The following PITPNB variants were observed in gnomAD, a reference collection of about 807,000 sequenced individuals.
The protein encoded by PITPNB is phosphatidylinositol transfer protein beta isoform.
PITPNB carries 16 observed loss-of-function variants against 45.9 expected under a neutral mutation model. That is an observed-to-expected ratio of 0.35 (90% CI 0.24 to 0.53). The LOEUF (loss-of-function observed/expected upper bound fraction) is 0.53, where lower values mean the gene tolerates loss of function less well. Ranked by LOEUF, PITPNB falls within the 20% of genes least tolerant of loss-of-function variation. PITPNB has a pLI of 0.93. For synonymous variants in PITPNB, 112 were observed against 108.9 expected, an observed-to-expected ratio of 1.03 and a Z score of -0.18; for missense variants, 188 against 330.5, an observed-to-expected ratio of 0.57 and a Z score of 3.34.
chr22:27,914,351 A>G lies in PITPNB; in HGVS notation c.21-4T>C. On this transcript the variant is annotated splice_polypyrimidine_tract_variant and splice_region_variant and intron_variant, in intron 1 of 11. Transcript: ENST00000335272. ...AGAACATGGCAAAACCACACGGCTA[A>G]AAAGACAAAAGAAAAAATATATATA... The G allele has an allele frequency of 6.4e-7, 1 of 1,567,220 alleles. No individual in the cohort carries two copies. Among genetic ancestry groups the G allele is most frequent in the Non-Finnish European group, 8.8e-7 (1 of 1,140,014 alleles).
intron 10 of PITPNB, among the ~76,000 whole-genome samples, chr22:27,856,886 T>C (rs954663182): frequency 1.3e-5 from 2 of 151,950 alleles, no homozygotes; most frequent in East Asian, 1.9e-4. Context: ...TAAAACTGGA[T>C]AGGGTAGCGA....
intron 7 of PITPNB, among the ~76,000 whole-genome samples, chr22:27,880,794 G>A (rs1934948674): frequency 6.6e-6 from 1 of 151,994 alleles, no homozygotes; most frequent in South Asian, 2.1e-4. Flanking sequence ...AGCTAATTTT[G>A]TATTTTTAGT....
chr22:27,862,803 T>C (rs1223245794), intron 8 of PITPNB, among the ~76,000 whole-genome samples: 1 of 152,242 alleles, frequency 6.6e-6, no homozygotes, highest in Admixed American at 6.5e-5. Context: ...ATGTAAATAA[T>C]GCTGCCCTTG....
intron 3 of PITPNB, among the ~76,000 whole-genome samples, chr22:27,905,932 C>T (rs939000405): frequency 1.3e-5 from 2 of 152,190 alleles, no homozygotes; most frequent in African/African-American, 4.8e-5. Context: ...ATTCTCTGCC[C>T]AGTAAATTCC....
At chr22:27,890,540 C>T (rs148204615) in intron 7 of PITPNB, among the ~76,000 whole-genome samples, 169 of 151,956 alleles carry the variant, frequency 1.1e-3, no homozygotes, top group Non-Finnish European at 2.0e-3. Flanking sequence ...TGAAGCTGGG[C>T]GCGGTGGCTC....
intron 7 of PITPNB, among the ~76,000 whole-genome samples, chr22:27,876,850 TTC>T (rs1247625271): frequency 6.6e-6 from 1 of 152,350 alleles, no homozygotes; most frequent in East Asian, 1.9e-4. Context: ...TTTGTTAGTA[TTC>T]TGTCTCCTTT....
At chr22:27,860,302 TTGAC>T (rs1934287815) in intron 8 of PITPNB, 61 bp from the exon 9 acceptor site, 1 of 999,168 alleles carries the variant, frequency 1.0e-6, no homozygotes, top group Non-Finnish European at 1.5e-6. Flanking sequence ...TTCATTAAAA[TTGAC>T]TGTTGTATAA....
At chr22:27,886,731 C>T (rs1935131926) in intron 7 of PITPNB, among the ~76,000 whole-genome samples, 1 of 152,136 alleles carries the variant, frequency 6.6e-6, no homozygotes, top group South Asian at 2.1e-4. Flanking sequence ...ACAGAAAGCC[C>T]CCACCAGGTG....
intron 8 of PITPNB, among the ~76,000 whole-genome samples, chr22:27,863,132 T>C (rs772763028): frequency 1.5e-4 from 23 of 152,206 alleles, no homozygotes; most frequent in Non-Finnish European, 3.1e-4. Flanking sequence ...ATGTAGAATA[T>C]GGCACTTAAT....
intron 3 of PITPNB, among the ~76,000 whole-genome samples, chr22:27,909,036 C>T (rs1935842043): frequency 6.6e-6 from 1 of 152,042 alleles, no homozygotes; most frequent in Non-Finnish European, 1.5e-5. Flanking sequence ...AAAATCTGAT[C>T]ATGACAGCTA....
intron 2 of PITPNB, among the ~76,000 whole-genome samples, chr22:27,913,008 G>C (rs1035953611): frequency 8.7e-5 from 13 of 148,674 alleles, no homozygotes; most frequent in African/African-American, 2.5e-4. Context: ...AAAAAAGGTG[G>C]GGGGGGGAGT....
At chr22:27,864,617 T>C (rs888206550) in intron 8 of PITPNB, among the ~76,000 whole-genome samples, 1 of 152,156 alleles carries the variant, frequency 6.6e-6, no homozygotes, top group Non-Finnish European at 1.5e-5. Context: ...TTCCATACGA[T>C]GGGCTATTAT....
At chr22:27,874,597 T>C (rs1271048423) in intron 7 of PITPNB, among the ~76,000 whole-genome samples, 2 of 152,184 alleles carry the variant, frequency 1.3e-5, no homozygotes, top group African/African-American at 4.8e-5. Context: ...TCTTTTAAAA[T>C]CTATCTGCTT....
intron 1 of PITPNB, among the ~76,000 whole-genome samples, chr22:27,916,992 G>A (rs959144346): frequency 3.3e-5 from 5 of 152,076 alleles, no homozygotes; most frequent in African/African-American, 1.2e-4. Context: ...GAGCATGTTA[G>A]GCCTAGATGC....
intron 3 of PITPNB, among the ~76,000 whole-genome samples, chr22:27,902,152 A>G (rs1056603330): frequency 6.6e-6 from 1 of 152,178 alleles, no homozygotes; most frequent in Non-Finnish European, 1.5e-5. Context: ...CAGTAAGTGG[A>G]GCAAGGGTAT....
At chr22:27,917,077 A>T (rs1053236667) in intron 1 of PITPNB, among the ~76,000 whole-genome samples, 3 of 152,256 alleles carry the variant, frequency 2.0e-5, no homozygotes, top group Non-Finnish European at 2.9e-5. Context: ...AATCTAGGGG[A>T]GATACACATG....
intron 8 of PITPNB, among the ~76,000 whole-genome samples, chr22:27,864,074 T>C (rs1484878937): frequency 6.6e-6 from 1 of 152,112 alleles, no homozygotes; most frequent in African/African-American, 2.4e-5. Flanking sequence ...CGTACCCAAC[T>C]AAAAAACAAA....
chr22:27,911,731 G>C (rs1415464381), intron 2 of PITPNB, among the ~76,000 whole-genome samples: 1 of 152,106 alleles, frequency 6.6e-6, no homozygotes, highest in Non-Finnish European at 1.5e-5. Context: ...ACAGTATTGG[G>C]GGCCCAAGAT....
intron 8 of PITPNB, among the ~76,000 whole-genome samples, chr22:27,867,997 A>G (rs1179706740): frequency 6.6e-6 from 1 of 152,200 alleles, no homozygotes. Context: ...ATCAAACTAG[A>G]TATTAAAAAA....
Sources: gnomAD v4.1 joint callset for allele counts (sites outside exome capture counted in the v4.1 genomes callset) on GRCh38, gnomAD v4.1.1 for gene constraint, MANE v1.5 for transcripts, NCBI Gene and HGNC (gene_info 2026-07-23, HGNC 2026-07-21) for gene names.